Variants in GPC5 observed in about 807,000 individuals in gnomAD.
GPC5 encodes the protein glypican 5.
In GPC5, 47 loss-of-function variants were observed where a neutral mutation model predicts 53.9. That is an observed-to-expected ratio of 0.87 (90% CI 0.69 to 1.11). The LOEUF is 1.11. GPC5 is among the 50% of genes most tolerant of loss of function. GPC5 has a pLI of 0.00. For synonymous variants in GPC5, 286 were observed against 263.3 expected, an observed-to-expected ratio of 1.09 and a Z score of -0.84; for missense variants, 748 against 713.1, an observed-to-expected ratio of 1.05 and a Z score of -0.56.
intron 7 of GPC5, among the ~76,000 whole-genome samples, chr13:92,768,737 G>T (rs1047749427): frequency 6.6e-6 from 1 of 151,314 alleles, no homozygotes; most frequent in Non-Finnish European, 1.5e-5. Context: ...TCTTGCCACT[G>T]CTGCTCATAA....
chr13:92,668,928 T>C (rs1466506018), intron 7 of GPC5, among the ~76,000 whole-genome samples: 3 of 152,096 alleles, frequency 2.0e-5, no homozygotes, highest in South Asian at 2.1e-4. Flanking sequence ...TTGCTTATAG[T>C]GTAAATGAAA....
intron 7 of GPC5, among the ~76,000 whole-genome samples, chr13:92,537,338 A>T (rs1356499446): frequency 6.6e-6 from 1 of 152,140 alleles, no homozygotes; most frequent in Admixed American, 6.6e-5. Flanking sequence ...GCTTAAATAA[A>T]TGCTTTCGAT....
Position 91,818,706 on chromosome 13 carries a change from A to T in GPC5, c.1280+62286A>T, listed in dbSNP as rs141631191. 2.0e-4 allele frequency among the ~76,000 whole-genome samples: 31 copies of T among 152,338 alleles called. 1 individual carries two copies. In the East Asian group the frequency reaches 6.0e-3, roughly 29 times the overall value. ...CCCTCCAGAAACAAAACCGGGGAAGATGTAGTCCCAGCCCTTGAGGGTCAA... is the reference window on the plus strand; with the variant it reads ...CCCTCCAGAAACAAAACCGGGGAAGTTGTAGTCCCAGCCCTTGAGGGTCAA... On this transcript the variant is annotated intron_variant, in intron 5 of 7. Coordinates refer to ENST00000377067, the MANE Select transcript of GPC5 (RefSeq NM_004466.6).
intron 7 of GPC5, among the ~76,000 whole-genome samples, chr13:92,482,825 T>A (rs1323303148): frequency 2.6e-5 from 4 of 152,114 alleles, no homozygotes. Context: ...GTAACTATAG[T>A]TATGCCATGC....
intron 6 of GPC5, among the ~76,000 whole-genome samples, chr13:92,069,408 A>ATGTGTGTG (rs67467167): frequency 2.9e-4 from 41 of 143,206 alleles, no homozygotes; most frequent in African/African-American, 9.9e-4. Context: ...GTGTGCGTGC[A>ATGTGTGTG]TGTGTGTGTG....
chr13:92,253,786 AAAG>A (rs2042708220), intron 7 of GPC5, among the ~76,000 whole-genome samples: 1 of 152,166 alleles, frequency 6.6e-6, no homozygotes, highest in Admixed American at 6.6e-5. Flanking sequence ...GAAATAAAAA[AAAG>A]AAGGAAAATA....
chr13:91,552,382 G>C (rs528153343), intron 2 of GPC5, among the ~76,000 whole-genome samples: 23 of 151,988 alleles, frequency 1.5e-4, no homozygotes, highest in African/African-American at 5.5e-4. Context: ...GCTCGATCTG[G>C]GAGACTCTAA....
At chr13:91,528,807 G>T (rs1229720522) in intron 2 of GPC5, among the ~76,000 whole-genome samples, 1 of 152,160 alleles carries the variant, frequency 6.6e-6, no homozygotes, top group Non-Finnish European at 1.5e-5. Context: ...AGGTGGAAGG[G>T]AAGAAAGGCA....
chr13:92,676,928 C>T (rs1269319721), intron 7 of GPC5, among the ~76,000 whole-genome samples: 1 of 151,972 alleles, frequency 6.6e-6, no homozygotes, highest in African/African-American at 2.4e-5. Context: ...CACACACACA[C>T]ACAAATGTAA....
chr13:92,595,126 C>T (rs1461868269), intron 7 of GPC5, among the ~76,000 whole-genome samples: 1 of 152,136 alleles, frequency 6.6e-6, no homozygotes, highest in Non-Finnish European at 1.5e-5. Context: ...TTTTCTGCAC[C>T]TCATTATTAA....
chr13:91,757,373 T>G (rs1000344302), intron 5 of GPC5, among the ~76,000 whole-genome samples: 11 of 152,182 alleles, frequency 7.2e-5, no homozygotes, highest in African/African-American at 2.4e-4. Context: ...GTCTCCAAAA[T>G]GAAAGATAGG....
At chr13:92,622,436 G>A (rs1405635399) in intron 7 of GPC5, among the ~76,000 whole-genome samples, 1 of 152,152 alleles carries the variant, frequency 6.6e-6, no homozygotes. Flanking sequence ...TTAAAATGTT[G>A]TTATTAAAAC....
chr13:92,253,316 C>G (rs1481584029), intron 7 of GPC5, among the ~76,000 whole-genome samples: 2 of 152,104 alleles, frequency 1.3e-5, no homozygotes, highest in African/African-American at 4.8e-5. Flanking sequence ...GGGTTTGGAC[C>G]TCACACAAAG....
chr13:92,781,884 A>C (rs1876034956), intron 7 of GPC5, among the ~76,000 whole-genome samples: 1 of 152,222 alleles, frequency 6.6e-6, no homozygotes, highest in Non-Finnish European at 1.5e-5. Context: ...AAGATTTAGC[A>C]GCTGTGACGC....
In GPC5 at chr13:91,663,351, C is replaced by T. The variant is rs41336146; in HGVS notation, c.326-29836C>T. 7.8e-3 allele frequency among the ~76,000 whole-genome samples: 1,195 copies of T among 152,250 alleles called. 17 individuals are homozygous for T. The highest frequency in any genetic ancestry group is 0.027 in the African/African-American group (1,132 of 41,554). On this transcript the variant is annotated intron_variant, in intron 2 of 7. Coordinates refer to ENST00000377067, the MANE Select transcript of GPC5 (RefSeq NM_004466.6). ...CACTCCGTGTACATACCAATATATG[C>T]TTGTCCATGTTGTGAGTATACCTAC...
intron 7 of GPC5, among the ~76,000 whole-genome samples, chr13:92,292,933 C>T (rs946155303): frequency 2.0e-5 from 3 of 151,702 alleles, no homozygotes; most frequent in African/African-American, 4.8e-5. Context: ...GTCCTTTCCC[C>T]ACTTTATATT....
intron 7 of GPC5, among the ~76,000 whole-genome samples, chr13:92,476,546 A>G (rs1327122434): frequency 1.3e-5 from 2 of 151,536 alleles, no homozygotes; most frequent in Admixed American, 6.6e-5. Flanking sequence ...ATTACTGGGT[A>G]TATACCCAAA....
At chr13:91,677,595 C>T (rs988991982) in intron 2 of GPC5, among the ~76,000 whole-genome samples, 9 of 152,188 alleles carry the variant, frequency 5.9e-5, no homozygotes, top group East Asian at 1.9e-4. Context: ...TTCTAATATA[C>T]GGATTTTCCA....
At chr13:91,790,755 T>C (rs2037951650) in intron 5 of GPC5, among the ~76,000 whole-genome samples, 1 of 152,226 alleles carries the variant, frequency 6.6e-6, no homozygotes, top group Admixed American at 6.5e-5. Flanking sequence ...ATAGCCTCTT[T>C]GTGGTAGCAA....
Sources: allele counts gnomAD v4.1 joint callset (sites outside exome capture counted in the v4.1 genomes callset), GRCh38; gene constraint gnomAD v4.1.1; transcripts MANE v1.5; gene names NCBI Gene and HGNC (gene_info 2026-07-23, HGNC 2026-07-21).